The following THSD7B variants were observed in gnomAD, a reference collection of about 807,000 sequenced individuals.
THSD7B encodes the protein thrombospondin type-1 domain-containing protein 7B.
Under a neutral mutation model 213.6 loss-of-function variants are expected in THSD7B, and 138 were observed. That is an observed-to-expected ratio of 0.65 (90% CI 0.56 to 0.74). The LOEUF (loss-of-function observed/expected upper bound fraction) is 0.74, where lower values mean the gene tolerates loss of function less well. THSD7B is among the 30% of genes least tolerant of loss of function. The probability of loss-of-function intolerance (pLI) is 0.00; values close to 1 mark genes in which losing one functional copy is unlikely to be tolerated. For missense variants in THSD7B, 1,931 were observed against 1,991.5 expected, an observed-to-expected ratio of 0.97 and a Z score of 0.58; for synonymous variants, 742 against 687.0, an observed-to-expected ratio of 1.08 and a Z score of -1.25.
At chr2:137,622,413 C>T (rs1254145395) in intron 20 of THSD7B, among the ~76,000 whole-genome samples, 1 of 151,966 alleles carries the variant, frequency 6.6e-6, no homozygotes, top group Non-Finnish European at 1.5e-5. Context: ...GTGGTATAGA[C>T]ATTTGTAAAC....
chr2:137,518,747 G>A (rs570749813), intron 15 of THSD7B, among the ~76,000 whole-genome samples: 38 of 152,278 alleles, frequency 2.5e-4, no homozygotes, highest in Middle Eastern at 3.4e-3. Flanking sequence ...TGGAGGTTAC[G>A]CATGGGCTCA....
At chr2:137,391,138 T>C (rs960797021) in intron 12 of THSD7B, among the ~76,000 whole-genome samples, 3 of 152,130 alleles carry the variant, frequency 2.0e-5, no homozygotes, top group Non-Finnish European at 4.4e-5. Context: ...AAACTCACTA[T>C]TTCTTATTGG....
Position 136,959,919 on chromosome 2 carries a change from G to A in THSD7B, c.139+77602G>A, listed in dbSNP as rs1018646306. On this transcript the variant is annotated intron_variant, in intron 2 of 27. Transcript: ENST00000409968. ...GGAAAAGGACCAGGACACTTGACTG[G>A]AGGAAGACATTCTTAAATCAGAATC... Among the ~76,000 whole-genome samples the A allele has an allele frequency of 2.0e-5, 3 of 152,192 alleles. No homozygotes were observed. The East Asian group carries it at 5.8e-4, about 29-fold the overall frequency.
rs144206298 is a variant in THSD7B at position 137,527,770 on chromosome 2, A to G, written c.3139-35451A>G. Among the ~76,000 whole-genome samples, 725 of 152,200 alleles carry G rather than the reference A, an allele frequency of 4.8e-3. 4 individuals are homozygous for G. The highest frequency in any genetic ancestry group is 0.017 in the African/African-American group (692 of 41,546). On this transcript the variant is annotated intron_variant, in intron 15 of 27. Coordinates refer to ENST00000409968, the MANE Select transcript of THSD7B (RefSeq NM_001316349.2). ...GGGTCATTGAAAGAGATTAGAAAAA[A>G]GAAAAGTGCTGTCTTCCATTGAACT... is the stretch of plus-strand genomic sequence containing the variant.
intron 1 of THSD7B, among the ~76,000 whole-genome samples, chr2:136,789,794 G>T (rs1340191167): frequency 6.6e-6 from 1 of 152,050 alleles, no homozygotes; most frequent in Non-Finnish European, 1.5e-5. Context: ...TTCCAAGATT[G>T]GTTTTTGTAT....
intron 25 of THSD7B, among the ~76,000 whole-genome samples, chr2:137,662,062 CTTT>C (rs778872364): frequency 1.5e-5 from 2 of 132,662 alleles, no homozygotes; most frequent in Non-Finnish European, 3.2e-5. Context: ...TTTCTTTTTT[CTTT>C]TTTTTTTTTT....
chr2:137,601,744 TCA>T (rs747406680), intron 17 of THSD7B, among the ~76,000 whole-genome samples: 2 of 152,206 alleles, frequency 1.3e-5, no homozygotes, highest in Non-Finnish European at 2.9e-5. Flanking sequence ...GAGTATTAAC[TCA>T]CAGTGTAGCA....
chr2:137,268,159 AT>A (rs1006829255), intron 10 of THSD7B, among the ~76,000 whole-genome samples: 15 of 150,648 alleles, frequency 1.0e-4, no homozygotes, highest in African/African-American at 2.4e-4. Flanking sequence ...ATTTTATTTT[AT>A]TTTTTTTATA....
At chr2:136,771,842 G>T (rs758939172) in intron 1 of THSD7B, among the ~76,000 whole-genome samples, 1 of 152,132 alleles carries the variant, frequency 6.6e-6, no homozygotes, top group Non-Finnish European at 1.5e-5. Flanking sequence ...ATGGAGAGTA[G>T]GGGCCTGGGT....
intron 20 of THSD7B, among the ~76,000 whole-genome samples, chr2:137,641,225 C>T (rs1265488595): frequency 6.6e-6 from 1 of 152,176 alleles, no homozygotes; most frequent in Admixed American, 6.5e-5. Context: ...CTCTCTGCTC[C>T]AGCTGCACTG....
At chr2:137,141,684 C>CAT (rs376380187) in intron 5 of THSD7B, among the ~76,000 whole-genome samples, 1 of 150,468 alleles carries the variant, frequency 6.6e-6, no homozygotes, top group Non-Finnish European at 1.5e-5. Context: ...TGTGTATGTG[C>CAT]GTGTGTGTGT....
chr2:137,272,980 G>A (rs907128938), intron 11 of THSD7B, among the ~76,000 whole-genome samples: 1 of 150,452 alleles, frequency 6.6e-6, no homozygotes, highest in Non-Finnish European at 1.5e-5. Flanking sequence ...GTTGTTATCT[G>A]GGGGCTGGGA....
chr2:137,483,363 C>T (rs1688350144), intron 15 of THSD7B, among the ~76,000 whole-genome samples: 1 of 152,160 alleles, frequency 6.6e-6, no homozygotes, highest in Non-Finnish European at 1.5e-5. Flanking sequence ...AGGACTAAAA[C>T]CCAAGGGAGC....
At position 136,829,956 on chromosome 2, in the gene THSD7B, A is replaced by C. The variant is rs143912737; in HGVS notation, c.-35-52188A>C. Among the ~76,000 whole-genome samples, 354 of 152,104 alleles carry C rather than the reference A, an allele frequency of 2.3e-3. 1 individual carries two copies. The highest frequency in any genetic ancestry group is 8.3e-3 in the African/African-American group (343 of 41,478). ...ATCTTTTTTATATTTTTATTATACA[A>C]GCTCTAAGTTGTGGCCCCACTGGGT... On this transcript the variant is annotated intron_variant, in intron 1 of 27. Coordinates refer to ENST00000409968, the MANE Select transcript of THSD7B (RefSeq NM_001316349.2).
chr2:136,885,055 C>A (rs954831505), intron 2 of THSD7B, among the ~76,000 whole-genome samples: 2 of 152,070 alleles, frequency 1.3e-5, no homozygotes, highest in African/African-American at 4.8e-5. Context: ...CACTGTATTG[C>A]AGTTGAAATT....
intron 1 of THSD7B, among the ~76,000 whole-genome samples, chr2:136,831,021 C>T (rs1382260395): frequency 1.3e-5 from 2 of 151,858 alleles, no homozygotes; most frequent in African/African-American, 4.8e-5. Context: ...CTAGTAATTG[C>T]TATCAATAAA....
At chr2:137,071,044 G>A (rs1268718305) in intron 3 of THSD7B, among the ~76,000 whole-genome samples, 1 of 152,134 alleles carries the variant, frequency 6.6e-6, no homozygotes, top group East Asian at 1.9e-4. Context: ...TGTCTTTATA[G>A]CAGCATGATT....
chr2:136,815,102 C>A (rs1215112622), intron 1 of THSD7B, among the ~76,000 whole-genome samples: 2 of 152,140 alleles, frequency 1.3e-5, no homozygotes, highest in African/African-American at 4.8e-5. Context: ...TCCATGAACT[C>A]AAAAATATTT....
chr2:137,191,323 T>C (rs1313176912), intron 7 of THSD7B, among the ~76,000 whole-genome samples: 2 of 152,220 alleles, frequency 1.3e-5, no homozygotes, highest in Non-Finnish European at 2.9e-5. Flanking sequence ...TTATAATTCA[T>C]TTATAATTTT....
Sources: gnomAD v4.1 joint callset for allele counts (sites outside exome capture counted in the v4.1 genomes callset) on GRCh38, gnomAD v4.1.1 for gene constraint, MANE v1.5 for transcripts, NCBI Gene and HGNC (gene_info 2026-07-23, HGNC 2026-07-21) for gene names.